Variants in PAPPA2 observed in about 807,000 individuals in gnomAD.
The protein encoded by PAPPA2 is pappalysin-2.
Under a neutral mutation model 176.4 loss-of-function variants are expected in PAPPA2, and 86 were observed. The observed-to-expected ratio is 0.49, with a 90% CI of 0.41 to 0.58. The LOEUF (loss-of-function observed/expected upper bound fraction) is 0.58. PAPPA2 is among the 20% of genes least tolerant of loss of function. PAPPA2 has a pLI of 0.00. For missense variants in PAPPA2, 2,073 were observed against 2,256.9 expected, an observed-to-expected ratio of 0.92 and a Z score of 1.65; for synonymous variants, 809 against 852.2, an observed-to-expected ratio of 0.95 and a Z score of 0.88.
chr1:176,483,561 C>T (rs1359375579), intron 1 of PAPPA2, among the ~76,000 whole-genome samples: 2 of 150,414 alleles, frequency 1.3e-5, no homozygotes, highest in East Asian at 2.0e-4. Flanking sequence ...ATCTCCGCTT[C>T]CCGGGTTCAA....
intron 19 of PAPPA2, 112 bp downstream of exon 19, chr1:176,791,594 C>T: frequency 1.5e-6 from 2 of 1,300,608 alleles, no homozygotes; most frequent in Non-Finnish European, 2.1e-6. Flanking sequence ...TGCTCTGTCG[C>T]CCAGGCTGGG....
intron 21 of PAPPA2, among the ~76,000 whole-genome samples, chr1:176,804,893 G>A (rs569869683): frequency 6.6e-6 from 1 of 151,984 alleles, no homozygotes; most frequent in Non-Finnish European, 1.5e-5. Flanking sequence ...CCTGTTAAAT[G>A]CTTGTCCAAT....
chr1:176,544,492 CAAATACTTTCGAG>C (rs916003534), intron 1 of PAPPA2, among the ~76,000 whole-genome samples: 1 of 152,156 alleles, frequency 6.6e-6, no homozygotes, highest in African/African-American at 2.4e-5. Flanking sequence ...TGTCATTCCT[CAAATACTTTCGAG>C]TAGGAAATCC....
rs1655065727 is a variant in PAPPA2, at chr1:176,613,862, A to G, written c.1991+18267A>G. 1.3e-5 allele frequency among the ~76,000 whole-genome samples: 2 copies of G among 152,166 alleles called. 1 individual carries two copies. The highest frequency in any genetic ancestry group is 4.1e-4 in the South Asian group (2 of 4,826). Reference sequence around the variant, plus strand: ...GACCTCCAGGAAATTTGAATGGGCTAATTCAGTGTTGTCCACGGTGGGGCC... The same window carrying G: ...GACCTCCAGGAAATTTGAATGGGCTGATTCAGTGTTGTCCACGGTGGGGCC... On this transcript the variant is annotated intron_variant, in intron 3 of 22. Transcript: ENST00000367662.
At chr1:176,471,747 C>G (rs1241536476) in intron 1 of PAPPA2, among the ~76,000 whole-genome samples, 1 of 152,188 alleles carries the variant, frequency 6.6e-6, no homozygotes, top group Admixed American at 6.5e-5. Flanking sequence ...TCCTTTCAAT[C>G]TCTTTAAACC....
intron 1 of PAPPA2, among the ~76,000 whole-genome samples, chr1:176,477,505 G>C (rs950780410): frequency 3.9e-5 from 6 of 152,162 alleles, no homozygotes; most frequent in Non-Finnish European, 7.3e-5. Flanking sequence ...CCAGCACTTT[G>C]GGAGGCCGAG....
chr1:176,842,677 T>G lies in PAPPA2; in HGVS notation c.*223T>G, dbSNP rs1667531298. The stretch of plus-strand genomic sequence containing the variant: ...ATCATAGGCAAAAGTTTCTTTAAAG[T>G]GGCAGTTGATTAACATGGAAGGGGA... On this transcript the variant is annotated 3_prime_UTR_variant, in exon 23 of 23. Transcript: ENST00000367662. 3.7e-6 allele frequency: 2 copies of G among 541,596 alleles called. No individual in the cohort carries two copies. The highest frequency in any genetic ancestry group is 1.0e-3 in the Middle Eastern group (2 of 1,980). The allele number at this position is 541,596 out of a possible 1,614,324, so 33.5% of individuals were successfully genotyped here.
intron 1 of PAPPA2, among the ~76,000 whole-genome samples, chr1:176,469,250 A>G (rs1357945039): frequency 6.6e-6 from 1 of 152,138 alleles, no homozygotes; most frequent in Non-Finnish European, 1.5e-5. Context: ...TAATTGTTGG[A>G]AAAATACTTT....
chr1:176,776,770 C>A (rs940635591), intron 17 of PAPPA2, among the ~76,000 whole-genome samples: 1 of 151,814 alleles, frequency 6.6e-6, no homozygotes, highest in African/African-American at 2.4e-5. Flanking sequence ...GTATTTTGTA[C>A]ACAATACCCC....
chr1:176,710,299 G>A (rs1661087012), intron 11 of PAPPA2, 123 bp downstream of exon 11: 1 of 860,788 alleles, frequency 1.2e-6, no homozygotes, highest in Non-Finnish European at 1.8e-6. Flanking sequence ...AGAAGCCCTA[G>A]GGAACATTAC....
At chr1:176,604,376 A>G (rs1016847415) in intron 3 of PAPPA2, among the ~76,000 whole-genome samples, 1 of 152,242 alleles carries the variant, frequency 6.6e-6, no homozygotes, top group African/African-American at 2.4e-5. Context: ...CTCATACTAT[A>G]ACACCTACAA....
chr1:176,758,903 A>G (rs2102897607), intron 14 of PAPPA2, among the ~76,000 whole-genome samples: 1 of 152,242 alleles, frequency 6.6e-6, no homozygotes. Flanking sequence ...TAAAGCTGGA[A>G]GGGCCCTTTG....
intron 12 of PAPPA2, among the ~76,000 whole-genome samples, chr1:176,712,875 G>A (rs1661206166): frequency 6.6e-6 from 1 of 152,258 alleles, no homozygotes; most frequent in South Asian, 2.1e-4. Context: ...TGTTGTATAT[G>A]TAAAGGTATT....
At chr1:176,792,320 G>C (rs1042560410) in intron 19 of PAPPA2, among the ~76,000 whole-genome samples, 1 of 152,216 alleles carries the variant, frequency 6.6e-6, no homozygotes, top group African/African-American at 2.4e-5. Context: ...CCTAAATTCT[G>C]AACTGCATTA....
intron 1 of PAPPA2, among the ~76,000 whole-genome samples, chr1:176,472,944 C>T (rs1397275079): frequency 3.3e-5 from 5 of 152,010 alleles, no homozygotes; most frequent in Admixed American, 6.6e-5. Flanking sequence ...ACTCCCTTTC[C>T]CCACTTATGT....
intron 1 of PAPPA2, among the ~76,000 whole-genome samples, chr1:176,486,159 T>G (rs1300168399): frequency 6.6e-6 from 1 of 152,236 alleles, no homozygotes; most frequent in Non-Finnish European, 1.5e-5. Flanking sequence ...GCCCTGCTTT[T>G]AGGCAGATAA....
At chr1:176,604,820 T>A (rs1654523831) in intron 3 of PAPPA2, among the ~76,000 whole-genome samples, 1 of 152,204 alleles carries the variant, frequency 6.6e-6, no homozygotes, top group African/African-American at 2.4e-5. Context: ...TATCTGTATG[T>A]AGATGGAAAA....
chr1:176,781,352 GC>G (rs1216871075), intron 17 of PAPPA2, among the ~76,000 whole-genome samples: 1 of 125,566 alleles, frequency 8.0e-6, no homozygotes, highest in African/African-American at 2.9e-5. Flanking sequence ...TGTGAGAAGA[GC>G]TTTGTAAGGG....
At chr1:176,467,908 T>C (rs1386056979) in intron 1 of PAPPA2, among the ~76,000 whole-genome samples, 1 of 152,154 alleles carries the variant, frequency 6.6e-6, no homozygotes. Context: ...AGACACTCTC[T>C]GTACAGTGGA....
Sources: gnomAD v4.1 joint callset for allele counts (sites outside exome capture counted in the v4.1 genomes callset) on GRCh38, gnomAD v4.1.1 for gene constraint, MANE v1.5 for transcripts, NCBI Gene and HGNC (gene_info 2026-07-23, HGNC 2026-07-21) for gene names.